The following SLC22A15 variants were observed in gnomAD, a reference collection of about 807,000 sequenced individuals.
SLC22A15 encodes the protein solute carrier family 22 member 15.
In SLC22A15, 45 loss-of-function variants were observed where a neutral mutation model predicts 62.7. The ratio of observed to expected loss-of-function variants is 0.72; its 90% confidence interval spans 0.56 to 0.92. The LOEUF (loss-of-function observed/expected upper bound fraction) is 0.92, where lower values mean the gene tolerates loss of function less well. SLC22A15 is among the 40% of genes least tolerant of loss of function. The pLI is 0.00. For synonymous variants in SLC22A15, 264 were observed against 267.0 expected, an observed-to-expected ratio of 0.99 and a Z score of 0.11; for missense variants, 622 against 665.6, an observed-to-expected ratio of 0.93 and a Z score of 0.72.
chr1:115,992,886 A>G (rs966063247), intron 2 of SLC22A15, among the ~76,000 whole-genome samples: 2 of 151,946 alleles, frequency 1.3e-5, no homozygotes, highest in East Asian at 1.9e-4. Context: ...CGGCCTCCCA[A>G]AGTGCTGGGA....
chr1:116,008,758 GA>G (rs1180128780), intron 2 of SLC22A15, among the ~76,000 whole-genome samples: 4 of 152,202 alleles, frequency 2.6e-5, no homozygotes, highest in Admixed American at 2.6e-4. Context: ...CATGGGCTCA[GA>G]GTAGCTGGGT....
intron 4 of SLC22A15, among the ~76,000 whole-genome samples, chr1:116,022,214 C>T (rs918289461): frequency 6.6e-6 from 1 of 152,112 alleles, no homozygotes; most frequent in African/African-American, 2.4e-5. Flanking sequence ...GTAGCAACTT[C>T]GAAAGCCTTT....
rs1164213230 is a variant in SLC22A15 at position 116,069,591 on chromosome 1, C to T, written c.*2483C>T. On this transcript the variant is annotated 3_prime_UTR_variant, in exon 12 of 12. Transcript: ENST00000369503. ...TAGCAGCTTGTCCAAAATATTTACA[C>T]CTCACAAATATTTTGAAAGAAACCA... 6.6e-6 allele frequency: 1 copy of T among 152,034 alleles called. No homozygotes were observed. Among genetic ancestry groups the T allele is most frequent in the Non-Finnish European group, 1.5e-5 (1 of 67,980 alleles). The allele number at this position is 152,034 out of a possible 1,614,324, so 9.4% of individuals were successfully genotyped here.
intron 2 of SLC22A15, among the ~76,000 whole-genome samples, chr1:116,001,830 A>G (rs973070610): frequency 1.3e-5 from 2 of 152,124 alleles, no homozygotes; most frequent in Non-Finnish European, 2.9e-5. Flanking sequence ...AGAATTGGTC[A>G]CTGGTGCCTT....
intron 8 of SLC22A15, among the ~76,000 whole-genome samples, chr1:116,056,297 C>G (rs1407897914): frequency 1.2e-4 from 6 of 48,402 alleles, no homozygotes; most frequent in Admixed American, 5.9e-4. Context: ...GAGTGAACTC[C>G]CATTCACAAT....
At chr1:116,020,604 C>A in intron 3 of SLC22A15, 117 bp from the exon 4 acceptor site, 5 of 829,030 alleles carry the variant, frequency 6.0e-6, no homozygotes, top group South Asian at 2.8e-5. Context: ...CCCACAAAAA[C>A]AGCTCAGAAA....
rs114773238 is a variant in SLC22A15, at chr1:115,988,108, A to G, written c.88-3923A>G. Among the ~76,000 whole-genome samples, 545 of 152,306 alleles carry G rather than the reference A, an allele frequency of 3.6e-3. 4 individuals are homozygous for G. The highest frequency in any genetic ancestry group is 0.013 in the African/African-American group (529 of 41,568). On this transcript the variant is annotated intron_variant, in intron 1 of 11. Transcript: ENST00000369503. ...TATAATTACATTGAAAGGGGGAAAA[A>G]AATCCAGCCATCTGTGGCACTTGTT...
chr1:116,042,017 A>G (rs1049837792), intron 8 of SLC22A15, among the ~76,000 whole-genome samples: 6 of 152,174 alleles, frequency 3.9e-5, no homozygotes, highest in African/African-American at 1.4e-4. Context: ...GTTGATTCCA[A>G]GTAACTTAAC....
At chr1:115,989,971 C>T (rs991374365) in intron 1 of SLC22A15, among the ~76,000 whole-genome samples, 7 of 152,134 alleles carry the variant, frequency 4.6e-5, no homozygotes, top group African/African-American at 1.7e-4. Context: ...GACTTAGATC[C>T]TGCCTTTAAG....
intron 8 of SLC22A15, among the ~76,000 whole-genome samples, chr1:116,040,222 A>G (rs904654015): frequency 6.6e-6 from 1 of 152,206 alleles, no homozygotes; most frequent in Non-Finnish European, 1.5e-5. Context: ...TAATTGTTAG[A>G]CAGAAGTGTC....
intron 8 of SLC22A15, among the ~76,000 whole-genome samples, chr1:116,047,623 A>G (rs1657959898): frequency 6.6e-6 from 1 of 152,186 alleles, no homozygotes. Context: ...TAGACCCAGA[A>G]GAGAGACAAC....
intron 8 of SLC22A15, among the ~76,000 whole-genome samples, chr1:116,062,401 A>C (rs1470316228): frequency 2.6e-5 from 4 of 152,128 alleles, no homozygotes; most frequent in Non-Finnish European, 5.9e-5. Context: ...TGATTATGTG[A>C]GTAAGAGGGA....
chr1:116,032,153 G>A (rs1657436710), intron 6 of SLC22A15: 1 of 985,382 alleles, frequency 1.0e-6, no homozygotes, highest in Non-Finnish European at 1.2e-6. Flanking sequence ...GAACTGATGA[G>A]CACTTTCTGA....
Position 116,068,796 on chromosome 1 carries a change from A to C in SLC22A15, c.*1688A>C, listed in dbSNP as rs1658553145. 6.6e-6 allele frequency: 1 copy of C among 152,164 alleles called. No homozygotes were observed. The highest frequency in any genetic ancestry group is 1.5e-5 in the Non-Finnish European group (1 of 68,028). The allele number at this position is 152,164 out of a possible 1,614,324, so 9.4% of individuals were successfully genotyped here. A position where few individuals can be genotyped will look rare whatever the true frequency, so the allele number is the denominator to read the frequency against. On this transcript the variant is annotated 3_prime_UTR_variant, in exon 12 of 12. Transcript: ENST00000369503. The stretch of plus-strand genomic sequence containing the variant: ...TCTCTGGAAAATAGACCCCTTCTCA[A>C]CATCAGAATAGGAAGAGAGGAAGAA...
chr1:115,982,315 A>G (rs1402999461), intron 1 of SLC22A15, among the ~76,000 whole-genome samples: 1 of 152,248 alleles, frequency 6.6e-6, no homozygotes, highest in Non-Finnish European at 1.5e-5. Flanking sequence ...AGAAATTAAT[A>G]CAAATCACTA....
intron 6 of SLC22A15, chr1:116,032,503 G>A: frequency 3.0e-6 from 3 of 985,308 alleles, no homozygotes; most frequent in Non-Finnish European, 3.6e-6. Flanking sequence ...GTGATCTTAT[G>A]TATAAAGCTA....
At chr1:116,050,139 C>G (rs1047352584) in intron 8 of SLC22A15, among the ~76,000 whole-genome samples, 2 of 152,072 alleles carry the variant, frequency 1.3e-5, no homozygotes, top group Non-Finnish European at 2.9e-5. Context: ...CAGGACCAGA[C>G]AGATTTACAG....
intron 2 of SLC22A15, among the ~76,000 whole-genome samples, chr1:116,013,181 G>A (rs1313710930): frequency 6.6e-6 from 1 of 152,118 alleles, no homozygotes; most frequent in East Asian, 1.9e-4. Context: ...GTCGTAAGTC[G>A]AGGGGCATCT....
chr1:115,991,648 A>G (rs190288245), intron 1 of SLC22A15, among the ~76,000 whole-genome samples: 1 of 152,348 alleles, frequency 6.6e-6, no homozygotes, highest in Admixed American at 6.5e-5. Context: ...ACCTGAAGAT[A>G]TAGTGTTGAA....
Sources: gnomAD v4.1 joint callset for allele counts (sites outside exome capture counted in the v4.1 genomes callset) on GRCh38, gnomAD v4.1.1 for gene constraint, MANE v1.5 for transcripts, NCBI Gene and HGNC (gene_info 2026-07-23, HGNC 2026-07-21) for gene names.